ANO2: variants seen among roughly 807,000 people sequenced by gnomAD.
ANO2 encodes the protein anoctamin-2.
Under a neutral mutation model 124.2 loss-of-function variants are expected in ANO2, and 101 were observed. That is an observed-to-expected ratio of 0.81 (90% CI 0.69 to 0.96). The LOEUF is 0.96. Among genes scored for constraint, ANO2 ranks in the 40% least tolerant of loss-of-function variants. The pLI is 0.00. For missense variants in ANO2, 1,293 were observed against 1,274.5 expected, an observed-to-expected ratio of 1.01 and a Z score of -0.22; for synonymous variants, 486 against 482.5, an observed-to-expected ratio of 1.01 and a Z score of -0.09.
intron 11 of ANO2, among the ~76,000 whole-genome samples, chr12:5,745,492 G>A (rs2137084506): frequency 6.6e-6 from 1 of 152,348 alleles, no homozygotes; most frequent in African/African-American, 2.4e-5. Flanking sequence ...GGGAGCCACT[G>A]CTAGGGAGAG....
At chr12:5,741,687 C>T (rs984303498) in intron 12 of ANO2, among the ~76,000 whole-genome samples, 7 of 152,204 alleles carry the variant, frequency 4.6e-5, no homozygotes, top group Admixed American at 1.3e-4. Context: ...GTTCTGGGTG[C>T]TCATCTGTGC....
intron 7 of ANO2, among the ~76,000 whole-genome samples, chr12:5,821,997 C>T (rs1421135566): frequency 6.6e-6 from 1 of 152,164 alleles, no homozygotes; most frequent in Non-Finnish European, 1.5e-5. Flanking sequence ...GAAGAGAAGA[C>T]TCAGGCCTGG....
intron 10 of ANO2, among the ~76,000 whole-genome samples, chr12:5,792,388 A>G (rs890746551): frequency 2.0e-5 from 3 of 152,240 alleles, no homozygotes; most frequent in Admixed American, 6.5e-5. Context: ...ACGCCTCTCC[A>G]AATCCTTGAT....
intron 1 of ANO2, among the ~76,000 whole-genome samples, chr12:5,936,316 G>T (rs11063932): frequency 0.098 from 14,839 of 151,940 alleles, 1,161 homozygotes; most frequent in African/African-American, 0.21. Flanking sequence ...TTTGACTATC[G>T]GTGTCTCTTC....
At chr12:5,914,283 C>T (rs770716578) in intron 3 of ANO2, among the ~76,000 whole-genome samples, 2 of 152,134 alleles carry the variant, frequency 1.3e-5, no homozygotes, top group Non-Finnish European at 2.9e-5. Context: ...CCTGGGAGGG[C>T]ACGATGTCAC....
intron 23 of ANO2, among the ~76,000 whole-genome samples, chr12:5,566,335 CT>C (rs1191085667): frequency 6.6e-6 from 1 of 152,146 alleles, no homozygotes; most frequent in Non-Finnish European, 1.5e-5. Context: ...ATGTTAATGC[CT>C]GACGTGATTT....
chr12:5,646,582 A>C (rs1454712251), intron 15 of ANO2, among the ~76,000 whole-genome samples: 1 of 152,150 alleles, frequency 6.6e-6, no homozygotes, highest in Non-Finnish European at 1.5e-5. Context: ...TGAATGAATA[A>C]ACTCTTTAAC....
At chr12:5,712,266 T>C (rs1276505382) in intron 14 of ANO2, among the ~76,000 whole-genome samples, 1 of 151,934 alleles carries the variant, frequency 6.6e-6, no homozygotes, top group African/African-American at 2.4e-5. Flanking sequence ...CCCAGGAACC[T>C]GTGAATACGA....
In ANO2 at chr12:5,925,691, T is replaced by C. The variant is rs1015685229; in HGVS notation, c.23-2887A>G. On this transcript the variant is annotated intron_variant, in intron 1 of 24. Transcript: ENST00000682330. This position sits in a 1 kb window ranked among gnomAD's most constrained non-coding sequence, Gnocchi z 4.6. Reference sequence around the variant, plus strand: ...CACAGCCCGTGGAACATGTCACCCATTTGGAAAGAATCTTTCCTTCCTTCA... The same window carrying C: ...CACAGCCCGTGGAACATGTCACCCACTTGGAAAGAATCTTTCCTTCCTTCA... Among the ~76,000 whole-genome samples, 6 of 152,218 alleles carry C rather than the reference T, an allele frequency of 3.9e-5. No homozygotes were observed. Among genetic ancestry groups the C allele is most frequent in the Non-Finnish European group, 1.5e-5 (1 of 68,038 alleles).
rs573206175 is a variant in ANO2 at position 5,718,985 on chromosome 12, C to T, written c.1545+13535G>A. 9.1e-4 allele frequency among the ~76,000 whole-genome samples: 139 copies of T among 152,334 alleles called. 1 individual carries two copies. Among genetic ancestry groups the T allele is most frequent in the South Asian group, 7.7e-3 (37 of 4,826 alleles). Reference sequence around the variant, plus strand: ...GCTGATGCTGTCTCTGGGTTGCTTGCCCATCCTTATTTAGCTTGTCAGCCC... The same window carrying T: ...GCTGATGCTGTCTCTGGGTTGCTTGTCCATCCTTATTTAGCTTGTCAGCCC... On this transcript the variant is annotated intron_variant, in intron 14 of 24. Transcript: ENST00000682330.
intron 14 of ANO2, among the ~76,000 whole-genome samples, chr12:5,656,503 T>G (rs1395964749): frequency 6.6e-6 from 1 of 152,194 alleles, no homozygotes; most frequent in African/African-American, 2.4e-5. Context: ...GTCTACTTCT[T>G]AAACCTCCTG....
intron 4 of ANO2, chr12:5,851,974 G>C (rs1458314798): frequency 4.1e-6 from 3 of 736,716 alleles, no homozygotes; most frequent in African/African-American, 3.4e-5. Flanking sequence ...CCAAGGATCA[G>C]CAGCAGAGAT....
chr12:5,836,123 T>C (rs186981810), intron 4 of ANO2, among the ~76,000 whole-genome samples: 166 of 152,336 alleles, frequency 1.1e-3, no homozygotes, highest in African/African-American at 7.5e-4. Flanking sequence ...CCACCTCTGC[T>C]ACCTAACCTA....
At chr12:5,679,333 C>T (rs957927137) in intron 14 of ANO2, among the ~76,000 whole-genome samples, 3 of 152,138 alleles carry the variant, frequency 2.0e-5, no homozygotes, top group Admixed American at 6.5e-5. Flanking sequence ...AAGAAACTAT[C>T]ATCAGAGTGA....
chr12:5,882,743 A>G lies in ANO2; in HGVS notation c.535-28602T>C, dbSNP rs529815630. ...CCAAGTCGCCCACATCCCCAAACAGAGCTGCCTTTGTTTTCCTGATGCAAA... is the reference window on the plus strand; with the variant it reads ...CCAAGTCGCCCACATCCCCAAACAGGGCTGCCTTTGTTTTCCTGATGCAAA... On this transcript the variant is annotated intron_variant, in intron 3 of 24. Coordinates refer to ENST00000682330, the MANE Select transcript of ANO2 (RefSeq NM_001364791.2). Among the ~76,000 whole-genome samples, 9 of 152,258 alleles carry G rather than the reference A, an allele frequency of 5.9e-5. No homozygotes were observed. In the East Asian group the frequency reaches 7.7e-4, roughly 13 times the overall value.
At chr12:5,932,714 A>C (rs1021921891) in intron 1 of ANO2, among the ~76,000 whole-genome samples, 44 of 151,964 alleles carry the variant, frequency 2.9e-4, no homozygotes, top group African/African-American at 1.0e-3. Context: ...GAGGAAGGAA[A>C]GTAGACCAGT....
intron 20 of ANO2, among the ~76,000 whole-genome samples, chr12:5,584,746 A>C (rs1558778): frequency 0.056 from 8,550 of 152,302 alleles, 788 homozygotes; most frequent in African/African-American, 0.2. Context: ...GTACACATAA[A>C]TAGGAAAAGA....
intron 3 of ANO2, among the ~76,000 whole-genome samples, chr12:5,911,923 CAAAG>C (rs1941074714): frequency 6.6e-6 from 1 of 152,168 alleles, no homozygotes; most frequent in Admixed American, 6.5e-5. Flanking sequence ...CACCCAGTAA[CAAAG>C]AAAATCAGCA....
rs1024466062 is a variant in ANO2 at position 5,921,167 on chromosome 12, T to G, written c.407A>C (p.His136Pro). Residue 136 changes from histidine (H) to proline (P), a missense_variant, in exon 3 of 25, where the codon CAT (histidine) becomes CCT (proline). Physicochemically the swap from His to Pro is moderately conservative, Grantham distance 77 (BLOSUM62 -2). Transcript: ENST00000682330. ...VSNGETGKEPHAGGPGDIELG... is the reference protein window; with the variant it reads ...VSNGETGKEPPAGGPGDIELG... ...CTCAATGTCACCTGGGCCCCCAGCA[T>G]GAGGCTCCTTGCCTGTCTCCCCATT... The G allele has an allele frequency of 2.5e-6, 4 of 1,613,802 alleles. No homozygotes were observed.
Sources: allele counts gnomAD v4.1 joint callset (sites outside exome capture counted in the v4.1 genomes callset), GRCh38; gene constraint gnomAD v4.1.1; non-coding constraint Gnocchi (gnomAD v3.1); transcripts MANE v1.5; gene names NCBI Gene and HGNC (gene_info 2026-07-23, HGNC 2026-07-21).